RGS6: variants seen among roughly 807,000 people sequenced by gnomAD.
RGS6 encodes regulator of G-protein signaling 6.
Under a neutral mutation model 78.5 loss-of-function variants are expected in RGS6, and 30 were observed. The observed-to-expected ratio is 0.38, with a 90% CI of 0.29 to 0.52. The LOEUF is 0.52. RGS6 is among the 20% of genes least tolerant of loss of function. RGS6 has a pLI of 0.85. For synonymous variants in RGS6, 206 were observed against 206.0 expected (o/e 1.00, Z 0.00); for missense variants, 495 against 609.7 (o/e 0.81, Z 1.98).
At chr14:72,626,897 T>A in the RGS6 span, among the ~76,000 whole-genome samples, 4 of 152,018 alleles carry the variant, frequency 2.6e-5, no homozygotes, top group Non-Finnish European at 5.9e-5. Context: ...ATATCTCAGC[T>A]TTGAGTTTCT....
At chr14:72,509,190 C>G (rs753706180) in intron 13 of RGS6, among the ~76,000 whole-genome samples, 4 of 151,238 alleles carry the variant, frequency 2.6e-5, no homozygotes, top group Non-Finnish European at 4.4e-5. Flanking sequence ...TGGTGAAACC[C>G]TGTCTCTACT....
chr14:72,258,886 A>G (rs1451378234), intron 2 of RGS6, among the ~76,000 whole-genome samples: 2 of 152,240 alleles, frequency 1.3e-5, no homozygotes, highest in African/African-American at 2.4e-5. Flanking sequence ...GTGCAGATCT[A>G]TATGCTTGCT....
At chr14:72,025,394 G>A in intron 2 of RGS6, among the ~76,000 whole-genome samples, 1 of 152,116 alleles carries the variant, frequency 6.6e-6, no homozygotes, top group Non-Finnish European at 1.5e-5. Context: ...TTGCCGAATA[G>A]TGTTTCTTTG....
rs377058867 is a variant in RGS6, at chr14:71,982,809, A to G, written c.84+17934A>G. 5.9e-5 allele frequency among the ~76,000 whole-genome samples: 9 copies of G among 152,292 alleles called. 1 individual carries two copies. In the South Asian group the frequency reaches 1.2e-3, roughly 21 times the overall value. On this transcript the variant is annotated intron_variant, in intron 2 of 17. Transcript: ENST00000553525. The stretch of plus-strand genomic sequence containing the variant: ...TCTTGGTTGCTTTTCAGTGCCCTCA[A>G]ACATGTTTAACAAAATGTTTTTCAG...
At chr14:71,944,307 A>G (rs191602572) in intron 1 of RGS6, among the ~76,000 whole-genome samples, 4 of 152,268 alleles carry the variant, frequency 2.6e-5, no homozygotes, top group African/African-American at 7.2e-5. Flanking sequence ...TATTATGCCC[A>G]TTTTATAGAT....
intron 2 of RGS6, among the ~76,000 whole-genome samples, chr14:72,170,112 G>A (rs2153680917): frequency 6.6e-6 from 1 of 152,218 alleles, no homozygotes; most frequent in East Asian, 1.9e-4. Flanking sequence ...AGATTTTGGA[G>A]TTGTTTGTTA....
rs17108484 is a variant in RGS6 at position 72,173,358 on chromosome 14, C to T, written c.85-178737C>T. ...TCCCCAGGGGTTCAGTAGACTTTCCCGAGTGGGCATGGAAAGGTAAACTCA... is the reference window on the plus strand; with the variant it reads ...TCCCCAGGGGTTCAGTAGACTTTCCTGAGTGGGCATGGAAAGGTAAACTCA... On this transcript the variant is annotated intron_variant, in intron 2 of 17. Coordinates refer to ENST00000553525, the MANE Select transcript of RGS6 (RefSeq NM_001204424.2). 5.6e-3 allele frequency among the ~76,000 whole-genome samples: 853 copies of T among 152,220 alleles called. 11 individuals are homozygous for T. The highest frequency in any genetic ancestry group is 0.019 in the African/African-American group (777 of 41,542).
chr14:71,950,704 C>A (rs1037688322), intron 1 of RGS6, among the ~76,000 whole-genome samples: 2 of 152,084 alleles, frequency 1.3e-5, no homozygotes, highest in Non-Finnish European at 2.9e-5. Flanking sequence ...CTACAAGGAA[C>A]TTAAATTTAT....
intron 3 of RGS6, among the ~76,000 whole-genome samples, chr14:72,361,027 A>G (rs1303975982): frequency 6.7e-6 from 1 of 149,320 alleles, no homozygotes; most frequent in Non-Finnish European, 1.5e-5. Context: ...TTTCGCCATG[A>G]TTGTAAGTTT....
At chr14:72,453,761 C>G (rs1048957353) in intron 3 of RGS6, among the ~76,000 whole-genome samples, 1 of 151,680 alleles carries the variant, frequency 6.6e-6, no homozygotes, top group East Asian at 1.9e-4. Context: ...TCAATCAAGT[C>G]AGAGCCCCAC....
At chr14:72,221,786 A>T (rs1282645489) in intron 2 of RGS6, among the ~76,000 whole-genome samples, 1 of 152,084 alleles carries the variant, frequency 6.6e-6, no homozygotes, top group African/African-American at 2.4e-5. Context: ...CCATACCAAC[A>T]CTTTATTCAA....
Position 72,492,130 on chromosome 14 carries a change from C to T in RGS6, c.855-3022C>T, listed in dbSNP as rs528504304. 1.6e-4 allele frequency among the ~76,000 whole-genome samples: 24 copies of T among 152,260 alleles called. No homozygotes were observed. In the South Asian group the frequency reaches 2.7e-3, roughly 17 times the overall value. On this transcript the variant is annotated intron_variant, in intron 12 of 17. Transcript: ENST00000553525. ...CTTTCCTCATCTACCATAAGGATTA[C>T]GGCCAACACTGCTATAACAAAAGAG...
chr14:72,586,019 T>A, the RGS6 span, among the ~76,000 whole-genome samples: 3 of 152,248 alleles, frequency 2.0e-5, no homozygotes, highest in African/African-American at 7.2e-5. Context: ...CTTGGCTGTC[T>A]TCAGAATAAA....
chr14:72,560,224 G>GGGA (rs370980336), intron 17 of RGS6, among the ~76,000 whole-genome samples: 5 of 152,294 alleles, frequency 3.3e-5, no homozygotes, highest in Non-Finnish European at 5.9e-5. Context: ...AAGGAGGGAT[G>GGGA]GGAGGAGGAG....
chr14:72,218,068 T>C (rs2046000046), intron 2 of RGS6, among the ~76,000 whole-genome samples: 1 of 152,202 alleles, frequency 6.6e-6, no homozygotes, highest in Non-Finnish European at 1.5e-5. Context: ...TATAGTTTTC[T>C]ATGGAATGGA....
intron 3 of RGS6, among the ~76,000 whole-genome samples, chr14:72,439,918 C>A (rs1364359802): frequency 1.3e-5 from 2 of 152,198 alleles, no homozygotes; most frequent in African/African-American, 2.4e-5. Flanking sequence ...TCCTTGCTAC[C>A]CCATTCGACC....
chr14:71,872,213 G>A, the RGS6 span, among the ~76,000 whole-genome samples: 1 of 152,190 alleles, frequency 6.6e-6, no homozygotes, highest in Non-Finnish European at 1.5e-5. Flanking sequence ...AAAATGAGCA[G>A]TTTTCTACAC....
At chr14:71,978,853 T>C (rs951161709) in intron 2 of RGS6, among the ~76,000 whole-genome samples, 10 of 150,830 alleles carry the variant, frequency 6.6e-5, no homozygotes, top group African/African-American at 2.4e-4. Flanking sequence ...AGCTCCTCCT[T>C]GTACCTCTGG....
intron 2 of RGS6, among the ~76,000 whole-genome samples, chr14:72,069,064 C>T (rs2094301073): frequency 6.6e-6 from 1 of 151,876 alleles, no homozygotes; most frequent in Non-Finnish European, 1.5e-5. Context: ...CTCTGGCCTC[C>T]TGGCTTCAAG....
Sources: gnomAD v4.1 joint callset for allele counts (sites outside exome capture counted in the v4.1 genomes callset) on GRCh38, gnomAD v4.1.1 for gene constraint, MANE v1.5 for transcripts, NCBI Gene and HGNC (gene_info 2026-07-23, HGNC 2026-07-21) for gene names.